The following SECISBP2L variants were observed in gnomAD, a reference collection of about 807,000 sequenced individuals.
SECISBP2L encodes SECIS binding protein 2 like, also known as selenocysteine insertion sequence-binding protein 2-like.
In SECISBP2L, 43 loss-of-function variants were observed where a neutral mutation model predicts 114.7. The ratio of observed to expected loss-of-function variants is 0.38; its 90% CI spans 0.29 to 0.48. The LOEUF (loss-of-function observed/expected upper bound fraction) is 0.48, where lower values mean the gene tolerates loss of function less well. Ranked by LOEUF, SECISBP2L falls within the 20% of genes least tolerant of loss-of-function variation. The pLI is 0.98. For synonymous variants in SECISBP2L, 451 were observed against 439.7 expected, an observed-to-expected ratio of 1.03 and a Z score of -0.32; for missense variants, 1,136 against 1,301.1, an observed-to-expected ratio of 0.87 and a Z score of 1.95.
rs200581620 is a variant in SECISBP2L at position 49,016,949 on chromosome 15, C to T, written c.1318G>A (p.Val440Ile). 6.2e-7 allele frequency: 1 copy of T among 1,613,966 alleles called. No homozygotes were observed. Among genetic ancestry groups the T allele is most frequent in the East Asian group, 2.2e-5 (1 of 44,854 alleles). ...TTCTGACTTTTTGCACGTTTGGGAACTGAGGTGGTAATAGGAATTGGAGTC... is the reference window on the plus strand; with the variant it reads ...TTCTGACTTTTTGCACGTTTGGGAATTGAGGTGGTAATAGGAATTGGAGTC... ...VQTPIPITTSVPKRAKSQKKK... is the reference protein window; with the variant it reads ...VQTPIPITTSIPKRAKSQKKK... The change falls in exon 10 of 18, where the codon GTT (valine) becomes ATT (isoleucine). Residue 440 changes from valine (V) to isoleucine (I), a missense_variant. Around this residue, in one of 2 missense-constraint regions of SECISBP2L, gnomAD observed 684 missense variants for 848.7 expected, o/e 0.81. Coordinates refer to ENST00000559471, the MANE Select transcript of SECISBP2L (RefSeq NM_001193489.2).
At chr15:49,045,433 G>C (rs1446626350) in intron 1 of SECISBP2L, among the ~76,000 whole-genome samples, 2 of 152,202 alleles carry the variant, frequency 1.3e-5, no homozygotes, top group Non-Finnish European at 2.9e-5. Flanking sequence ...AGGGAATAGA[G>C]AGTGAATAAA....
At chr15:49,031,220 A>G (rs976905627) in intron 4 of SECISBP2L, among the ~76,000 whole-genome samples, 5 of 150,794 alleles carry the variant, frequency 3.3e-5, no homozygotes, top group African/African-American at 1.2e-4. Context: ...GCTGATTTTT[A>G]TATTTTTTAG....
intron 7 of SECISBP2L, among the ~76,000 whole-genome samples, chr15:49,020,661 C>T (rs1902623624): frequency 6.6e-6 from 1 of 152,148 alleles, no homozygotes; most frequent in Non-Finnish European, 1.5e-5. Context: ...GTGTGCACCA[C>T]CACACCCAGC....
At chr15:49,037,347 G>A (rs1903031878) in intron 2 of SECISBP2L, 1 of 250,396 alleles carries the variant, frequency 4.0e-6, no homozygotes, top group African/African-American at 2.5e-5. Context: ...CCTTTGAGCT[G>A]ACTTACTTCA....
chr15:49,027,343 T>A, intron 7 of SECISBP2L, 22 bp downstream of exon 7: 2 of 1,560,084 alleles, frequency 1.3e-6, no homozygotes, highest in Non-Finnish European at 1.8e-6. Context: ...TAATCAATTT[T>A]CTCCAACCTA....
intron 4 of SECISBP2L, among the ~76,000 whole-genome samples, chr15:49,031,500 T>G (rs1264655236): frequency 6.6e-6 from 1 of 152,172 alleles, no homozygotes; most frequent in African/African-American, 2.4e-5. Context: ...TTATATTAGA[T>G]CCAGCTATCT....
At chr15:49,020,231 T>C (rs2141074256) in intron 7 of SECISBP2L, among the ~76,000 whole-genome samples, 1 of 152,208 alleles carries the variant, frequency 6.6e-6, no homozygotes, top group Middle Eastern at 3.4e-3. Flanking sequence ...TTTAGAGACG[T>C]GATCTTGCTC....
chr15:49,035,633 T>C lies in SECISBP2L; in HGVS notation c.229A>G (p.Ile77Val). 2 of 1,611,612 alleles carry C rather than the reference T, an allele frequency of 1.2e-6. No homozygotes were observed. Among genetic ancestry groups the C allele is most frequent in the Non-Finnish European group, 1.7e-6 (2 of 1,178,022 alleles). Residue 77 changes from isoleucine (I) to valine (V), a missense_variant, in exon 3 of 18, where the codon ATA becomes GTA. Ile to Val is a conservative substitution (Grantham distance 29, BLOSUM62 3). This residue lies in a region of SECISBP2L where 452 missense variants were observed against 452.3 expected (regional missense o/e 1.00). Coordinates refer to ENST00000559471, the MANE Select transcript of SECISBP2L (RefSeq NM_001193489.2). ...NRQFPLYNND[I>V]RWQQPNPNPT... ...TTTGGATTGGGTTGTTGCCATCGTA[T>C]ATCATTGTTATATAAAGGAAACTGT...
chr15:49,006,833 C>T (rs1469018870), intron 14 of SECISBP2L, among the ~76,000 whole-genome samples: 1 of 152,120 alleles, frequency 6.6e-6, no homozygotes, highest in African/African-American at 2.4e-5. Flanking sequence ...GTTTTGTTCC[C>T]TTGCTGGCGA....
At chr15:49,030,118 GATTCATAATTTTTAT>G (rs1164901287) in intron 4 of SECISBP2L, among the ~76,000 whole-genome samples, 1 of 150,876 alleles carries the variant, frequency 6.6e-6, no homozygotes, top group African/African-American at 2.4e-5. Context: ...CATTTCTGCC[GATTCATAATTTTTAT>G]ACAACACTGA....
intron 13 of SECISBP2L, among the ~76,000 whole-genome samples, chr15:49,009,717 A>C: frequency 6.6e-6 from 1 of 152,118 alleles, no homozygotes; most frequent in East Asian, 1.9e-4. Flanking sequence ...TCTTTAAAAA[A>C]AAAACATTCC....
intron 3 of SECISBP2L, 137 bp from the exon 4 acceptor site, chr15:49,033,237 G>A: frequency 9.8e-7 from 1 of 1,015,448 alleles, no homozygotes; most frequent in Non-Finnish European, 1.4e-6. Context: ...CTTCCATGGG[G>A]AAATAGTACT....
At chr15:49,045,935 G>A (rs12916364) in intron 1 of SECISBP2L, among the ~76,000 whole-genome samples, 39,198 of 152,058 alleles carry the variant, frequency 0.26, 5,421 homozygotes, top group East Asian at 0.41. Flanking sequence ...ACATTCCAGA[G>A]CTGAAGGGAA....
intron 1 of SECISBP2L, among the ~76,000 whole-genome samples, chr15:49,038,576 C>G (rs1004005119): frequency 3.3e-5 from 5 of 152,002 alleles, no homozygotes; most frequent in African/African-American, 4.8e-5. Flanking sequence ...GGAGAGCTTC[C>G]AGGGTGCCTG....
chr15:49,028,144 C>T lies in SECISBP2L; in HGVS notation c.919G>A (p.Gly307Ser). ...AAAACACAATGCAGAAAACAAGTACCTGCACACATAGATGATTCCACATGC... is the reference window on the plus strand; with the variant it reads ...AAAACACAATGCAGAAAACAAGTACTTGCACACATAGATGATTCCACATGC... ...MNHVESSMCAGGVNWSNVTCQ... is the reference protein window; with the variant it reads ...MNHVESSMCASGVNWSNVTCQ... The change falls in exon 6 of 18, where the codon GGT (glycine) becomes AGT (serine). Residue 307 changes from glycine to serine, a missense_variant and splice_region_variant. Transcript: ENST00000559471. 6.3e-7 allele frequency: 1 copy of T among 1,579,148 alleles called. No homozygotes were observed. The highest frequency in any genetic ancestry group is 8.6e-7 in the Non-Finnish European group (1 of 1,161,834).
At chr15:49,010,011 T>C (rs1291308576) in intron 13 of SECISBP2L, among the ~76,000 whole-genome samples, 1 of 152,010 alleles carries the variant, frequency 6.6e-6, no homozygotes, top group African/African-American at 2.4e-5. Context: ...CACATGCCTG[T>C]AGTCCCAGCT....
chr15:49,000,054 A>G, intron 15 of SECISBP2L, 67 bp from the exon 16 acceptor site: 1 of 1,544,534 alleles, frequency 6.5e-7, no homozygotes, highest in Non-Finnish European at 8.8e-7. Context: ...CACACCCGAT[A>G]GCTAAAGCAT....
Position 49,000,842 on chromosome 15 carries a change from AC to A in SECISBP2L, c.2248+34del. 3.2e-6 allele frequency: 5 copies of A among 1,540,330 alleles called. No individual in the cohort carries two copies. In the South Asian group the frequency reaches 5.9e-5, roughly 18 times the overall value. ...TATTCACTGTATATCCCACAGCTAT[AC>A]TATCAAAACACTTCAAAAGCAAAAA... On this transcript the variant is annotated intron_variant, in intron 15 of 17. Transcript: ENST00000559471.
chr15:49,033,449 A>G (rs1276695912), intron 3 of SECISBP2L, among the ~76,000 whole-genome samples: 1 of 152,214 alleles, frequency 6.6e-6, no homozygotes, highest in African/African-American at 2.4e-5. Flanking sequence ...ATTTCTTTAA[A>G]AGGGTAGTAA....
Sources: allele counts gnomAD v4.1 joint callset (sites outside exome capture counted in the v4.1 genomes callset), GRCh38; gene constraint gnomAD v4.1.1; regional missense constraint gnomAD v4.1.1; transcripts MANE v1.5; gene names NCBI Gene and HGNC (gene_info 2026-07-23, HGNC 2026-07-21).